The following RASAL2 variants were observed in gnomAD, a reference collection of about 807,000 sequenced individuals.
RASAL2 encodes the protein ras GTPase-activating protein nGAP.
In RASAL2, 58 loss-of-function variants were observed where a neutral mutation model predicts 128.9. The observed-to-expected ratio is 0.45, with a 90% CI of 0.36 to 0.56. RASAL2 has a LOEUF of 0.56. Ranked by LOEUF, RASAL2 falls within the 20% of genes least tolerant of loss-of-function variation. RASAL2 has a pLI of 0.00. For missense variants in RASAL2, 1,360 were observed against 1,601.6 expected (o/e 0.85, Z 2.57); for synonymous variants, 561 against 580.8 (o/e 0.97, Z 0.49).
rs186433697 is a variant in RASAL2, at chr1:178,187,013, G to A, written c.202+92319G>A. Among the ~76,000 whole-genome samples, 563 of 151,864 alleles carry A rather than the reference G, an allele frequency of 3.7e-3. 4 individuals are homozygous for A. Among genetic ancestry groups the A allele is most frequent in the Middle Eastern group, 0.031 (9 of 294 alleles). On this transcript the variant is annotated intron_variant, in intron 1 of 17. Coordinates refer to ENST00000367649, the MANE Select transcript of RASAL2 (RefSeq NM_170692.4). The stretch of plus-strand genomic sequence containing the variant: ...CAATTGTTCATTTTTATTTTTTGTG[G>A]AGAGAAGGGTCTCTGTGTTGCCCAG...
At chr1:178,187,825 C>T (rs1302671240) in intron 1 of RASAL2, among the ~76,000 whole-genome samples, 1 of 152,152 alleles carries the variant, frequency 6.6e-6, no homozygotes, top group Non-Finnish European at 1.5e-5. Flanking sequence ...CATAGCTTCA[C>T]TGTAACCTTG....
rs527644631 is a variant in RASAL2 at position 178,115,879 on chromosome 1, G to A, written c.202+21185G>A. On this transcript the variant is annotated intron_variant, in intron 1 of 17. Coordinates refer to ENST00000367649, the MANE Select transcript of RASAL2 (RefSeq NM_170692.4). ...TTGAAGGTTAATATTAATAAGACTT[G>A]GTGAGGAATGGATATGGGGGCAGGC... Among the ~76,000 whole-genome samples, 33 of 151,600 alleles carry A rather than the reference G, an allele frequency of 2.2e-4. 1 individual carries two copies. The highest frequency in any genetic ancestry group is 2.1e-3 in the Admixed American group (32 of 15,262).
intron 1 of RASAL2, among the ~76,000 whole-genome samples, chr1:178,161,400 CATTTAGCATAAT>C (rs1180373616): frequency 6.6e-6 from 1 of 152,108 alleles, no homozygotes; most frequent in Non-Finnish European, 1.5e-5. Flanking sequence ...TGGCTTCTTT[CATTTAGCATAAT>C]ATTTTCAAGA....
At chr1:178,286,065 T>TATGTACTCTC (rs1667011260) in intron 2 of RASAL2, among the ~76,000 whole-genome samples, 1 of 152,182 alleles carries the variant, frequency 6.6e-6, no homozygotes, top group African/African-American at 2.4e-5. Flanking sequence ...CACCACGCTG[T>TATGTACTCTC]ATGTACTCTC....
intron 3 of RASAL2, 90 bp from the exon 4 acceptor site, chr1:178,390,010 T>C (rs1672799942): frequency 8.9e-6 from 7 of 785,186 alleles, no homozygotes; most frequent in Middle Eastern, 2.6e-4. Context: ...CATGCTGGTT[T>C]ATTGTGAAAA....
chr1:178,196,947 A>G (rs1662677758), intron 1 of RASAL2, among the ~76,000 whole-genome samples: 1 of 152,236 alleles, frequency 6.6e-6, no homozygotes, highest in Non-Finnish European at 1.5e-5. Flanking sequence ...ATGTAGAGCA[A>G]TAGGAATTCA....
intron 1 of RASAL2, among the ~76,000 whole-genome samples, chr1:178,175,834 T>C (rs1391958024): frequency 6.6e-6 from 1 of 152,144 alleles, no homozygotes; most frequent in African/African-American, 2.4e-5. Flanking sequence ...TTACTTAAAA[T>C]AATTTTCTCC....
chr1:178,358,807 T>C (rs1182432251), intron 3 of RASAL2, among the ~76,000 whole-genome samples: 1 of 152,144 alleles, frequency 6.6e-6, no homozygotes, highest in Non-Finnish European at 1.5e-5. Context: ...CTACAAAGGA[T>C]AAAAGAAGAC....
intron 9 of RASAL2, among the ~76,000 whole-genome samples, chr1:178,446,642 C>A (rs960797768): frequency 3.9e-5 from 6 of 152,080 alleles, no homozygotes; most frequent in African/African-American, 1.2e-4. Flanking sequence ...GTGTGACTAT[C>A]AAGAATAGAA....
intron 3 of RASAL2, among the ~76,000 whole-genome samples, chr1:178,344,334 T>C (rs1241483191): frequency 6.6e-6 from 1 of 152,194 alleles, no homozygotes; most frequent in Non-Finnish European, 1.5e-5. Flanking sequence ...TTCTATGTTA[T>C]GTGTCCCAGT....
At chr1:178,301,561 T>C (rs1301216580) in intron 3 of RASAL2, among the ~76,000 whole-genome samples, 1 of 152,006 alleles carries the variant, frequency 6.6e-6, no homozygotes, top group East Asian at 1.9e-4. Flanking sequence ...GCCTCCCAAG[T>C]AGCTGGGATT....
intron 3 of RASAL2, among the ~76,000 whole-genome samples, chr1:178,351,248 C>A (rs567375070): frequency 2.6e-5 from 4 of 152,332 alleles, no homozygotes; most frequent in East Asian, 3.9e-4. Flanking sequence ...CAAACCATAT[C>A]ATTCCACCCT....
intron 3 of RASAL2, among the ~76,000 whole-genome samples, chr1:178,364,523 C>T (rs1177708915): frequency 2.6e-5 from 4 of 152,170 alleles, no homozygotes; most frequent in Non-Finnish European, 5.9e-5. Context: ...CTACCTAGTA[C>T]ATTGTAAATG....
At chr1:178,211,671 C>T (rs1212131217) in intron 1 of RASAL2, among the ~76,000 whole-genome samples, 1 of 152,154 alleles carries the variant, frequency 6.6e-6, no homozygotes, top group Non-Finnish European at 1.5e-5. Flanking sequence ...ATCCCCTTAA[C>T]CTAAAAAAAC....
intron 5 of RASAL2, among the ~76,000 whole-genome samples, chr1:178,437,764 A>G (rs1163819817): frequency 1.3e-5 from 2 of 152,094 alleles, no homozygotes; most frequent in South Asian, 2.1e-4. Context: ...TTAAAGTACA[A>G]TCTTTCTAAC....
intron 1 of RASAL2, among the ~76,000 whole-genome samples, chr1:178,178,567 CAT>C (rs967142231): frequency 1.5e-4 from 23 of 152,168 alleles, no homozygotes; most frequent in African/African-American, 5.5e-4. Flanking sequence ...AAGCCTCAAA[CAT>C]ATATTACTAA....
intron 3 of RASAL2, among the ~76,000 whole-genome samples, chr1:178,349,500 T>C (rs936482083): frequency 8.9e-4 from 135 of 152,136 alleles, no homozygotes; most frequent in African/African-American, 3.1e-3. Context: ...ATAGGTTAGA[T>C]GAGGAAAGCA....
At chr1:178,329,976 T>G (rs1324703197) in intron 3 of RASAL2, among the ~76,000 whole-genome samples, 1 of 152,206 alleles carries the variant, frequency 6.6e-6, no homozygotes, top group Non-Finnish European at 1.5e-5. Context: ...GATGGAAGGC[T>G]CTGGTATATA....
intron 1 of RASAL2, among the ~76,000 whole-genome samples, chr1:178,241,811 A>G (rs185674252): frequency 7.7e-4 from 117 of 152,294 alleles, no homozygotes; most frequent in African/African-American, 2.6e-3. Context: ...CCCTTCCACA[A>G]ATACGTACAT....
Sources: allele counts gnomAD v4.1 joint callset (sites outside exome capture counted in the v4.1 genomes callset), GRCh38; gene constraint gnomAD v4.1.1; transcripts MANE v1.5; gene names NCBI Gene and HGNC (gene_info 2026-07-23, HGNC 2026-07-21).